Variants in SLC7A11 observed in about 807,000 individuals in gnomAD.
SLC7A11 encodes the protein cystine/glutamate transporter.
In SLC7A11, 35 loss-of-function variants were observed where a neutral mutation model predicts 54.5. The ratio of observed to expected loss-of-function variants is 0.64; its 90% CI spans 0.49 to 0.85. The LOEUF (loss-of-function observed/expected upper bound fraction) is 0.85, where lower values mean the gene tolerates loss of function less well. SLC7A11 is among the 40% of genes least tolerant of loss of function. The probability of loss-of-function intolerance (pLI) is 0.00; values close to 1 mark genes in which losing one functional copy is unlikely to be tolerated. For missense variants in SLC7A11, 583 were observed against 618.1 expected, an observed-to-expected ratio of 0.94 and a Z score of 0.60; for synonymous variants, 230 against 225.2, an observed-to-expected ratio of 1.02 and a Z score of -0.19.
intron 6 of SLC7A11, among the ~76,000 whole-genome samples, chr4:138,185,811 A>G (rs1736862028): frequency 6.6e-6 from 1 of 152,154 alleles, no homozygotes; most frequent in African/African-American, 2.4e-5. Context: ...ATAAACGCAC[A>G]CTTTTGGAAG....
intron 6 of SLC7A11, among the ~76,000 whole-genome samples, chr4:138,206,789 T>A (rs1007374501): frequency 6.6e-6 from 1 of 151,908 alleles, no homozygotes; most frequent in African/African-American, 2.4e-5. Flanking sequence ...GTTCTATTAG[T>A]GCGAAATTTT....
chr4:138,195,755 T>C (rs1274850374), intron 6 of SLC7A11, among the ~76,000 whole-genome samples: 1 of 152,146 alleles, frequency 6.6e-6, no homozygotes, highest in African/African-American at 2.4e-5. Flanking sequence ...TACTCACCAA[T>C]TCCATAAAAA....
rs1458085524 is a variant in SLC7A11, at chr4:138,171,098, G to A, written c.*858C>T. 2 of 152,032 alleles carry A rather than the reference G, an allele frequency of 1.3e-5. No individual in the cohort carries two copies. Among genetic ancestry groups the A allele is most frequent in the African/African-American group, 4.8e-5 (2 of 41,386 alleles). 9.4% of individuals were successfully genotyped at this position (152,032 alleles called of 1,614,324 possible). ...TAATTTGAAGGCTTAAAATGCATAT[G>A]TTTAGATAGACTCATCAGGGGTAAG... On this transcript the variant is annotated 3_prime_UTR_variant, in exon 12 of 12. Coordinates refer to ENST00000280612, the MANE Select transcript of SLC7A11 (RefSeq NM_014331.4).
intron 6 of SLC7A11, among the ~76,000 whole-genome samples, chr4:138,199,239 C>G (rs1178374314): frequency 6.6e-6 from 1 of 151,910 alleles, no homozygotes; most frequent in Non-Finnish European, 1.5e-5. Context: ...ACAGTGAGTA[C>G]TTTTATTTGA....
intron 5 of SLC7A11, among the ~76,000 whole-genome samples, chr4:138,216,637 C>G (rs566861617): frequency 5.3e-5 from 8 of 152,274 alleles, no homozygotes; most frequent in Non-Finnish European, 1.0e-4. Flanking sequence ...AAAACCTCCA[C>G]TATTCATATC....
intron 2 of SLC7A11, 66 bp from the exon 3 acceptor site, chr4:138,232,448 C>T: frequency 1.2e-6 from 1 of 850,796 alleles, no homozygotes; most frequent in Non-Finnish European, 1.9e-6. Context: ...TTAATTTTTT[C>T]TACCTTGAGT....
chr4:138,223,550 T>C (rs1240453361), intron 3 of SLC7A11, among the ~76,000 whole-genome samples: 1 of 152,174 alleles, frequency 6.6e-6, no homozygotes, highest in African/African-American at 2.4e-5. Flanking sequence ...TTGAGAAACA[T>C]GGATAAAGCC....
At chr4:138,241,553 G>T (rs1463820421) in intron 1 of SLC7A11, among the ~76,000 whole-genome samples, 1 of 152,128 alleles carries the variant, frequency 6.6e-6, no homozygotes, top group Non-Finnish European at 1.5e-5. Context: ...AAAGTCAGAA[G>T]ATAGCCTGTC....
rs369874551 is a variant in SLC7A11, at chr4:138,223,183, G to A, written c.646+16C>T. ...CAGATACGTATTTTAAAAAGCATTT[G>A]CTTTTCAGTCCATACCTTTAATTAG... On this transcript the variant is annotated intron_variant, in intron 4 of 11. Coordinates refer to ENST00000280612, the MANE Select transcript of SLC7A11 (RefSeq NM_014331.4). The A allele has an allele frequency of 5.0e-6, 8 of 1,601,590 alleles. No individual in the cohort carries two copies. Among genetic ancestry groups the A allele is most frequent in the African/African-American group, 4.0e-5 (3 of 74,258 alleles).
intron 2 of SLC7A11, among the ~76,000 whole-genome samples, chr4:138,234,019 G>T (rs866455485): frequency 1.3e-4 from 20 of 152,124 alleles, no homozygotes; most frequent in African/African-American, 4.8e-4. Context: ...GAAGCCCTTG[G>T]CCTGTCTTCC....
At chr4:138,215,132 C>T (rs1737649886) in intron 5 of SLC7A11, among the ~76,000 whole-genome samples, 1 of 152,158 alleles carries the variant, frequency 6.6e-6, no homozygotes, top group African/African-American at 2.4e-5. Flanking sequence ...AGCACCCGTA[C>T]ACTGCAGTAC....
chr4:138,236,320 C>T lies in SLC7A11; in HGVS notation c.404+5G>A. 1 of 1,602,398 alleles carries T rather than the reference C, an allele frequency of 6.2e-7. No homozygotes were observed. The highest frequency in any genetic ancestry group is 8.5e-7 in the Non-Finnish European group (1 of 1,176,516). ...TTTTCTTAATTCTTTCTACTATGCT[C>T]TTACCGTATTATGAGGAGTTCCACC... On this transcript the variant is annotated splice_donor_5th_base_variant and intron_variant, in intron 2 of 11. Transcript: ENST00000280612.
intron 3 of SLC7A11, among the ~76,000 whole-genome samples, chr4:138,225,187 AT>A (rs1737919673): frequency 7.1e-6 from 1 of 140,620 alleles, no homozygotes; most frequent in South Asian, 2.2e-4. Context: ...AAATCATTAC[AT>A]TGTACACCCT....
intron 6 of SLC7A11, among the ~76,000 whole-genome samples, chr4:138,210,427 GA>G (rs1330898121): frequency 6.6e-6 from 1 of 151,652 alleles, no homozygotes; most frequent in African/African-American, 2.4e-5. Flanking sequence ...TTCTGCACAG[GA>G]AAAGAAACTA....
intron 3 of SLC7A11, among the ~76,000 whole-genome samples, chr4:138,228,529 C>A (rs1341988608): frequency 6.6e-6 from 1 of 151,770 alleles, no homozygotes; most frequent in Admixed American, 6.6e-5. Context: ...GAGGCCGAGG[C>A]GGGCGGCTCA....
chr4:138,237,710 TATATATATATATATATA>T (rs1738247491), intron 1 of SLC7A11, among the ~76,000 whole-genome samples: 1 of 5,656 alleles, frequency 1.8e-4, no homozygotes, highest in Non-Finnish European at 3.7e-4. Context: ...AATATATATA[TATATATATATATATATA>T]TATATATATA....
chr4:138,211,627 T>A (rs938787543), intron 6 of SLC7A11, among the ~76,000 whole-genome samples: 13 of 151,928 alleles, frequency 8.6e-5, no homozygotes, highest in Non-Finnish European at 1.9e-4. Flanking sequence ...AAATATGGAA[T>A]CAATCTAAGA....
In SLC7A11 at chr4:138,170,258, AT is replaced by A. The variant is rs1487045049; in HGVS notation, c.*1697del. On this transcript the variant is annotated 3_prime_UTR_variant, in exon 12 of 12. Transcript: ENST00000280612. The stretch of plus-strand genomic sequence containing the variant: ...AGTGTGTGTGTGTGTGTGTATATAT[AT>A]ATATATATATATACACACACACACA... 1 of 95,338 alleles carries A rather than the reference AT, an allele frequency of 1.0e-5. No homozygotes were observed. The highest frequency in any genetic ancestry group is 2.2e-5 in the Non-Finnish European group (1 of 44,766). The allele number at this position is 95,338 out of a possible 1,614,324, so 5.9% of individuals were successfully genotyped here. A position where few individuals can be genotyped will look rare whatever the true frequency, so the allele number is the denominator to read the frequency against.
intron 6 of SLC7A11, among the ~76,000 whole-genome samples, chr4:138,186,822 C>T (rs1397046500): frequency 6.6e-6 from 1 of 152,132 alleles, no homozygotes; most frequent in Non-Finnish European, 1.5e-5. Context: ...GGTGTATACA[C>T]AGCTTTTCAA....
Sources: allele counts gnomAD v4.1 joint callset (sites outside exome capture counted in the v4.1 genomes callset), GRCh38; gene constraint gnomAD v4.1.1; transcripts MANE v1.5; gene names NCBI Gene and HGNC (gene_info 2026-07-23, HGNC 2026-07-21).